The following TANC1 variants were observed in gnomAD, a reference collection of about 807,000 sequenced individuals.
TANC1 encodes protein TANC1.
TANC1 carries 77 observed loss-of-function variants against 149.7 expected under a neutral mutation model. That is an observed-to-expected ratio of 0.51 (90% CI 0.43 to 0.62). The LOEUF is 0.62. Among genes scored for constraint, TANC1 ranks in the 20% least tolerant of loss-of-function variants. The probability of loss-of-function intolerance (pLI) is 0.00; values close to 1 mark genes in which losing one functional copy is unlikely to be tolerated. For synonymous variants in TANC1, 854 were observed against 925.0 expected (o/e 0.92, Z 1.39); for missense variants, 1,985 against 2,321.8 (o/e 0.85, Z 2.98).
chr2:159,012,699 G>C (rs1181579673), intron 2 of TANC1, among the ~76,000 whole-genome samples: 1 of 152,136 alleles, frequency 6.6e-6, no homozygotes, highest in Admixed American at 6.5e-5. Context: ...TTATTCAGAG[G>C]AATTACAAAA....
intron 14 of TANC1, among the ~76,000 whole-genome samples, chr2:159,182,038 A>G (rs2056539581): frequency 6.6e-6 from 1 of 151,846 alleles, no homozygotes; most frequent in Non-Finnish European, 1.5e-5. Context: ...AGTCTCTACT[A>G]AAAATACAAA....
At chr2:159,065,854 T>C (rs1280653951) in intron 2 of TANC1, 42 bp from the exon 3 acceptor site, 20 of 1,529,446 alleles carry the variant, frequency 1.3e-5, no homozygotes, top group Non-Finnish European at 1.7e-5. Flanking sequence ...ATTCCAACTT[T>C]CAATGTTTAA....
intron 4 of TANC1, among the ~76,000 whole-genome samples, chr2:159,101,226 T>C (rs1240815645): frequency 6.6e-6 from 1 of 152,208 alleles, no homozygotes; most frequent in Admixed American, 6.5e-5. Flanking sequence ...CTTCACTAAT[T>C]GATGCTAATC....
At chr2:159,163,170 T>G in intron 7 of TANC1, 113 bp from the exon 8 acceptor site, 1 of 1,045,088 alleles carries the variant, frequency 9.6e-7, no homozygotes, top group Non-Finnish European at 1.4e-6. Flanking sequence ...GATAAAAATC[T>G]GTGTGGACTG....
At chr2:159,017,742 C>G (rs2038422485) in intron 2 of TANC1, among the ~76,000 whole-genome samples, 1 of 151,506 alleles carries the variant, frequency 6.6e-6, no homozygotes, top group Admixed American at 6.6e-5. Flanking sequence ...AGCATTAGGA[C>G]AAATACCTAA....
chr2:159,213,848 G>A (rs937834286), intron 19 of TANC1, among the ~76,000 whole-genome samples: 7 of 152,068 alleles, frequency 4.6e-5, no homozygotes, highest in African/African-American at 9.7e-5. Flanking sequence ...AACAGCGGCC[G>A]GGCACAGTGG....
intron 15 of TANC1, 77 bp downstream of exon 15, chr2:159,185,976 C>T (rs2056934804): frequency 2.7e-6 from 3 of 1,102,970 alleles, no homozygotes; most frequent in Non-Finnish European, 4.1e-6. Context: ...TTAGACAGCT[C>T]TGTCAGCCAT....
intron 2 of TANC1, among the ~76,000 whole-genome samples, chr2:159,045,087 G>T (rs901763623): frequency 1.3e-5 from 2 of 152,202 alleles, no homozygotes; most frequent in African/African-American, 4.8e-5. Flanking sequence ...AGAATTAGGG[G>T]GAGGAGGAGT....
intron 2 of TANC1, among the ~76,000 whole-genome samples, chr2:159,012,034 G>A (rs897587149): frequency 6.6e-6 from 1 of 152,142 alleles, no homozygotes; most frequent in Non-Finnish European, 1.5e-5. Flanking sequence ...CTAGTGACAG[G>A]CCAGAAGAGG....
At chr2:159,177,791 A>G (rs1559401354) in intron 13 of TANC1, among the ~76,000 whole-genome samples, 1 of 152,218 alleles carries the variant, frequency 6.6e-6, no homozygotes, top group Non-Finnish European at 1.5e-5. Context: ...TAGGTGTCAG[A>G]TGTGCTTAAT....
chr2:159,181,892 T>C (rs1189629005), intron 14 of TANC1, among the ~76,000 whole-genome samples: 4 of 152,118 alleles, frequency 2.6e-5, no homozygotes, highest in African/African-American at 9.7e-5. Flanking sequence ...GAAATAGAAT[T>C]ATGAAGATAA....
intron 4 of TANC1, among the ~76,000 whole-genome samples, chr2:159,109,452 A>T (rs2047505915): frequency 2.6e-5 from 4 of 152,228 alleles, no homozygotes; most frequent in Admixed American, 2.0e-4. Flanking sequence ...TTTTGAAATC[A>T]GGAGGGTGGA....
rs190255625 is a variant in TANC1 at position 159,147,250 on chromosome 2, A to G, written c.365-1892A>G. The stretch of plus-strand genomic sequence containing the variant: ...CTAGACATTCTGGGGCATAATCACA[A>G]TCGGGAGCAGTGTGGAGATTGTTTC... On this transcript the variant is annotated intron_variant, in intron 5 of 26. Coordinates refer to ENST00000263635, the MANE Select transcript of TANC1 (RefSeq NM_033394.3). 2.1e-4 allele frequency among the ~76,000 whole-genome samples: 32 copies of G among 152,266 alleles called. No individual in the cohort carries two copies. The East Asian group carries it at 6.2e-3, about 29-fold the overall frequency.
chr2:159,192,041 A>G (rs1404267354), intron 16 of TANC1, among the ~76,000 whole-genome samples: 3 of 152,202 alleles, frequency 2.0e-5, no homozygotes, highest in Non-Finnish European at 4.4e-5. Flanking sequence ...AAATATTATT[A>G]TACCTAAAAT....
intron 2 of TANC1, among the ~76,000 whole-genome samples, chr2:159,008,234 T>G (rs2037411975): frequency 6.6e-6 from 1 of 152,238 alleles, no homozygotes; most frequent in African/African-American, 2.4e-5. Context: ...TACTTTGAAC[T>G]GCATCTGATA....
Position 159,016,316 on chromosome 2 carries a change from C to T in TANC1, c.-16+15127C>T, listed in dbSNP as rs7576432. Among the ~76,000 whole-genome samples, 728 of 152,258 alleles carry T rather than the reference C, an allele frequency of 4.8e-3. 6 individuals are homozygous for T. The highest frequency in any genetic ancestry group is 0.016 in the African/African-American group (670 of 41,556). On this transcript the variant is annotated intron_variant, in intron 2 of 26. Transcript: ENST00000263635. ...CTACCACAAGAACAGTATGGGGGAA[C>T]GACCCCCATGATTCAATTATCTCCC... is the stretch of plus-strand genomic sequence containing the variant.
rs6711428 is a variant in TANC1 at position 159,037,594 on chromosome 2, C to T, written c.-15-28302C>T. On this transcript the variant is annotated intron_variant, in intron 2 of 26. Transcript: ENST00000263635. The stretch of plus-strand genomic sequence containing the variant: ...ATATGGCTAGCCAGTTTTCCCAGCA[C>T]GATTTATCAAATAGGGAATCCTTTC... Among the ~76,000 whole-genome samples, 614 of 152,290 alleles carry T rather than the reference C, an allele frequency of 4.0e-3. 3 individuals are homozygous for T. Among genetic ancestry groups the T allele is most frequent in the Non-Finnish European group, 3.5e-3 (235 of 68,024 alleles).
At chr2:158,980,758 G>A (rs1258856951) in intron 1 of TANC1, among the ~76,000 whole-genome samples, 4 of 145,958 alleles carry the variant, frequency 2.7e-5, no homozygotes, top group Non-Finnish European at 6.0e-5. Context: ...CTGGGCAACA[G>A]AGCAAGACTC....
chr2:158,972,637 G>T (rs1015879766), intron 1 of TANC1, among the ~76,000 whole-genome samples: 1 of 152,184 alleles, frequency 6.6e-6, no homozygotes, highest in Non-Finnish European at 1.5e-5. Context: ...TGAGCAGCTT[G>T]TCCATCTTCA....
Sources: allele counts gnomAD v4.1 joint callset (sites outside exome capture counted in the v4.1 genomes callset), GRCh38; gene constraint gnomAD v4.1.1; transcripts MANE v1.5; gene names NCBI Gene and HGNC (gene_info 2026-07-23, HGNC 2026-07-21).